Variants in CPLX2 observed in about 807,000 individuals in gnomAD.
The protein encoded by CPLX2 is complexin-2.
Under a neutral mutation model 16.3 loss-of-function variants are expected in CPLX2, and 5 were observed. The observed-to-expected ratio is 0.31, with a 90% CI of 0.16 to 0.64. The LOEUF (loss-of-function observed/expected upper bound fraction) is 0.64, where lower values mean the gene tolerates loss of function less well. Among genes scored for constraint, CPLX2 ranks in the 30% least tolerant of loss-of-function variants. The pLI, the probability that CPLX2 is intolerant of heterozygous loss-of-function variation, is 0.79. For synonymous variants in CPLX2, 89 were observed against 73.2 expected (o/e 1.22, Z -1.10); for missense variants, 144 against 181.4 (o/e 0.79, Z 1.18).
At chr5:175,820,371 C>G (rs574368534) in intron 2 of CPLX2, among the ~76,000 whole-genome samples, 63 of 152,334 alleles carry the variant, frequency 4.1e-4, no homozygotes, top group African/African-American at 1.5e-3. Context: ...CCCAGGCCCC[C>G]TCTCCCTGGG....
At chr5:175,861,686 A>T (rs1357068494) in intron 2 of CPLX2, 1 of 152,322 alleles carries the variant, frequency 6.6e-6, no homozygotes, top group Non-Finnish European at 1.5e-5. Flanking sequence ...CGGCTTCCTG[A>T]CGCTGGACCC....
chr5:175,814,156 C>T (rs1401033789), intron 2 of CPLX2, among the ~76,000 whole-genome samples: 1 of 152,236 alleles, frequency 6.6e-6, no homozygotes, highest in East Asian at 1.9e-4. Context: ...GCAAGGGCTT[C>T]CATGGCTCCA....
chr5:175,871,456 A>AGAGAGAGG (rs1759606684), upstream of CPLX2: 1 of 122,758 alleles, frequency 8.1e-6, no homozygotes, highest in Non-Finnish European at 1.8e-5. Context: ...AGAGAGAGAG[A>AGAGAGAGG]GAGAGAGAGA....
At chr5:175,876,592 G>A (rs148179694) in intron 1 of CPLX2, among the ~76,000 whole-genome samples, 11 of 152,262 alleles carry the variant, frequency 7.2e-5, no homozygotes, top group Admixed American at 5.9e-4. Flanking sequence ...ACAGAGGCAT[G>A]GGAGAAAGGG....
chr5:175,800,530 G>A (rs570003715), intron 1 of CPLX2, among the ~76,000 whole-genome samples: 1 of 151,778 alleles, frequency 6.6e-6, no homozygotes, highest in South Asian at 2.1e-4. Flanking sequence ...TGTGATTGCA[G>A]TCCAGACATA....
At chr5:175,812,334 G>C (rs1758326811) in intron 2 of CPLX2, among the ~76,000 whole-genome samples, 1 of 152,124 alleles carries the variant, frequency 6.6e-6, no homozygotes, top group Non-Finnish European at 1.5e-5. Flanking sequence ...AGGTGAGCAG[G>C]GGCTGCTCAC....
At chr5:175,807,517 T>C (rs1758230845) in intron 1 of CPLX2, among the ~76,000 whole-genome samples, 1 of 152,194 alleles carries the variant, frequency 6.6e-6, no homozygotes, top group Non-Finnish European at 1.5e-5. Flanking sequence ...GCGCCTACCC[T>C]TTCTCCCTCC....
chr5:175,806,913 G>A (rs1002395852), intron 1 of CPLX2, among the ~76,000 whole-genome samples: 1 of 152,174 alleles, frequency 6.6e-6, no homozygotes, highest in Non-Finnish European at 1.5e-5. Context: ...GCCTCTCTGG[G>A]CCTCCGTGCC....
chr5:175,871,466 A>AGAGAGAGAGAAAGAGAGAGAGAGAGAGG (rs1759613626), upstream of CPLX2: 1 of 146,234 alleles, frequency 6.8e-6, no homozygotes, highest in African/African-American at 2.5e-5. Flanking sequence ...AGAGAGAGAG[A>AGAGAGAGAGAAAGAGAGAGAGAGAGAGG]GAGAGAGAGA....
chr5:175,879,779 G>A (rs1316707879), intron 3 of CPLX2, 69 bp from the exon 4 acceptor site: 1 of 1,453,310 alleles, frequency 6.9e-7, no homozygotes, highest in Non-Finnish European at 9.5e-7. Context: ...AGTGCTGCAT[G>A]ATCATGAGAC....
rs187978599 is a variant in CPLX2 at position 175,801,677 on chromosome 5, T to A, written c.-169+4893T>A. Reference sequence around the variant, plus strand: ...TATTTCAAGGGATTTCTGTGAGAGTTAAACAAGTTAAAATATGTGCAGCAC... The same window carrying A: ...TATTTCAAGGGATTTCTGTGAGAGTAAAACAAGTTAAAATATGTGCAGCAC... On this transcript the variant is annotated intron_variant, in intron 1 of 4. Transcript: ENST00000359546. 9.8e-5 allele frequency among the ~76,000 whole-genome samples: 15 copies of A among 152,308 alleles called. No individual in the cohort carries two copies. The East Asian group carries it at 2.7e-3, about 27-fold the overall frequency.
In CPLX2 at chr5:175,883,992, T is replaced by A. The variant is rs1196672667; in HGVS notation, c.*3947T>A. The A allele has an allele frequency of 6.6e-6, 1 of 152,256 alleles. No individual in the cohort carries two copies. The highest frequency in any genetic ancestry group is 2.1e-4 in the South Asian group (1 of 4,804). 9.4% of individuals were successfully genotyped at this position (152,256 alleles called of 1,614,324 possible). The stretch of plus-strand genomic sequence containing the variant: ...ATGCTGAAATGTACAAAATCAACCA[T>A]GACAACAAAGAAAAAGACCTTGTAC... On this transcript the variant is annotated 3_prime_UTR_variant, in exon 4 of 4. Transcript: ENST00000393745.
intron 2 of CPLX2, among the ~76,000 whole-genome samples, chr5:175,865,088 G>GCACACA (rs1340408167): frequency 5.3e-5 from 8 of 150,558 alleles, no homozygotes; most frequent in African/African-American, 2.0e-4. Context: ...ATGTGCGCGC[G>GCACACA]CGCACACACA....
In CPLX2 at chr5:175,809,524, G is replaced by A. The variant is rs1758275163; in HGVS notation, c.-89+456G>A. On this transcript the variant is annotated intron_variant, in intron 2 of 4. Transcript: ENST00000359546. The surrounding 1 kb of genome is among the most constrained non-coding windows in gnomAD (Gnocchi z 4.4). ...TGAACTGCCCAAGATGAATGGAAAGGCAGGGCTGGGCTGGCACTTGGCTCT... is the reference window on the plus strand; with the variant it reads ...TGAACTGCCCAAGATGAATGGAAAGACAGGGCTGGGCTGGCACTTGGCTCT... 6.6e-6 allele frequency: 1 copy of A among 152,308 alleles called. No individual in the cohort carries two copies. The highest frequency in any genetic ancestry group is 2.4e-5 in the African/African-American group (1 of 41,426). The allele number at this position is 152,308 out of a possible 1,614,324, so 9.4% of individuals were successfully genotyped here.
At chr5:175,844,530 C>G (rs1759006163) in intron 2 of CPLX2, among the ~76,000 whole-genome samples, 1 of 152,188 alleles carries the variant, frequency 6.6e-6, no homozygotes, top group Non-Finnish European at 1.5e-5. Context: ...TCAGCTGTGA[C>G]AAGGAGGGTG....
At position 175,804,023 on chromosome 5, in the gene CPLX2, G is replaced by A. The variant is rs532430380; in HGVS notation, c.-168-4966G>A. ...GAGGCCAGTAAGACACCTGCCTCTG[G>A]TGCACAATTTAAGGGGATGCTGAAA... On this transcript the variant is annotated intron_variant, in intron 1 of 4. Coordinates refer to the CPLX2 transcript ENST00000359546. 3.9e-5 allele frequency among the ~76,000 whole-genome samples: 6 copies of A among 152,332 alleles called. No homozygotes were observed. In the East Asian group the frequency reaches 9.6e-4, roughly 24 times the overall value.
rs1027485707 is a variant in CPLX2 at position 175,809,867 on chromosome 5, C to T, written c.-89+799C>T. The stretch of plus-strand genomic sequence containing the variant: ...GAGAAGGAACGTCTCCAGGCCACCT[C>T]GTATTTAGCATACAGTGAGCCACAT... On this transcript the variant is annotated intron_variant, in intron 2 of 4. Transcript: ENST00000359546. The surrounding 1 kb of genome is among the most constrained non-coding windows in gnomAD (Gnocchi z 4.4). Among the ~76,000 whole-genome samples, 3 of 152,200 alleles carry T rather than the reference C, an allele frequency of 2.0e-5. No homozygotes were observed. Among genetic ancestry groups the T allele is most frequent in the African/African-American group, 2.4e-5 (1 of 41,436 alleles).
chr5:175,855,516 C>T (rs918498422), intron 2 of CPLX2, among the ~76,000 whole-genome samples: 14 of 151,274 alleles, frequency 9.3e-5, no homozygotes, highest in South Asian at 4.2e-4. Flanking sequence ...GGGTAGATCT[C>T]TGGATTTCAG....
In CPLX2 at chr5:175,879,939, C is replaced by G; in HGVS notation, c.299C>G (p.Ala100Gly). 1 of 1,613,952 alleles carries G rather than the reference C, an allele frequency of 6.2e-7. No individual in the cohort carries two copies. Among genetic ancestry groups the G allele is most frequent in the Non-Finnish European group, 8.5e-7 (1 of 1,179,942 alleles). The change falls in exon 4 of 4, where the codon GCC becomes GGC. Residue 100 changes from alanine (A) to glycine (G), a missense_variant. Physicochemically the swap from Ala to Gly is moderately conservative, Grantham distance 60. Coordinates refer to ENST00000393745, the MANE Select transcript of CPLX2 (RefSeq NM_001008220.2). ...GGGAGCCTGACCCGGCCCAAGAAGG[C>G]CATCCCTGCGGGCTGCGGGGACGAG... Reference protein sequence around the residue: ...CEGSLTRPKKAIPAGCGDEEE... With the variant: ...CEGSLTRPKKGIPAGCGDEEE...
Sources: allele counts gnomAD v4.1 joint callset (sites outside exome capture counted in the v4.1 genomes callset), GRCh38; gene constraint gnomAD v4.1.1; non-coding constraint Gnocchi (gnomAD v3.1); transcripts MANE v1.5; gene names NCBI Gene and HGNC (gene_info 2026-07-23, HGNC 2026-07-21).